PARL: variants seen among roughly 807,000 people sequenced by gnomAD.
PARL encodes presenilin-associated rhomboid-like protein, mitochondrial.
In PARL, 44 loss-of-function variants were observed where a neutral mutation model predicts 51.6. The ratio of observed to expected loss-of-function variants is 0.85; its 90% confidence interval spans 0.67 to 1.10. The LOEUF (loss-of-function observed/expected upper bound fraction) is 1.10. PARL is among the 50% of genes least tolerant of loss of function. PARL has a pLI of 0.00. For missense variants in PARL, 441 were observed against 469.5 expected (o/e 0.94, Z 0.56); for synonymous variants, 172 against 164.0 (o/e 1.05, Z -0.37).
chr3:183,826,885 A>G (rs1371455736), downstream of PARL: 2 of 597,254 alleles, frequency 3.3e-6, no homozygotes, highest in African/African-American at 4.0e-5. Context: ...TACTTCATTG[A>G]TCAAACAACA....
At chr3:183,838,170 T>G (rs1728866985) in intron 7 of PARL, among the ~76,000 whole-genome samples, 1 of 151,922 alleles carries the variant, frequency 6.6e-6, no homozygotes, top group East Asian at 1.9e-4. Context: ...GGATTACAGG[T>G]GCATGCCACC....
rs1727710042 is a variant in PARL at position 183,829,792 on chromosome 3, C to T, written c.1029-83G>A. The stretch of plus-strand genomic sequence containing the variant: ...AGCATGGTGACAGATCCCAAGTTGA[C>T]ATTTTTAAAATCGAATGCCACTCAC... On this transcript the variant is annotated intron_variant, in intron 9 of 9. Transcript: ENST00000317096. 5.2e-6 allele frequency: 6 copies of T among 1,144,644 alleles called. No homozygotes were observed. The Admixed American group carries it at 8.4e-5, about 16-fold the overall frequency. 70.9% of individuals were successfully genotyped at this position (1,144,644 alleles called of 1,614,324 possible). A position where few individuals can be genotyped will look rare whatever the true frequency, so the allele number is the denominator to read the frequency against.
At chr3:183,847,276 G>A (rs985826168) in intron 4 of PARL, among the ~76,000 whole-genome samples, 8 of 152,126 alleles carry the variant, frequency 5.3e-5, no homozygotes, top group Non-Finnish European at 7.4e-5. Context: ...AGGGTTGAAC[G>A]GGCCGGGTGT....
chr3:183,852,566 T>C (rs1180351095), intron 4 of PARL, among the ~76,000 whole-genome samples: 2 of 151,992 alleles, frequency 1.3e-5, no homozygotes, highest in African/African-American at 4.8e-5. Flanking sequence ...GTCCTGGAAA[T>C]AGATAGTAGT....
chr3:183,884,326 T>C (rs1449395496), intron 1 of PARL, among the ~76,000 whole-genome samples: 1 of 152,172 alleles, frequency 6.6e-6, no homozygotes, highest in Non-Finnish European at 1.5e-5. Context: ...AGGCGACTGG[T>C]TGTAATGGAA....
intron 6 of PARL, 40 bp downstream of exon 6, chr3:183,842,258 T>G (rs1560383613): frequency 6.3e-7 from 1 of 1,591,948 alleles, no homozygotes; most frequent in Non-Finnish European, 8.6e-7. Context: ...TAGCTTAGAG[T>G]GCTTATACTC....
Position 183,862,812 on chromosome 3 carries a change from C to A in PARL, c.463-11G>T. On this transcript the variant is annotated splice_polypyrimidine_tract_variant and intron_variant, in intron 3 of 9. Coordinates refer to ENST00000317096, the MANE Select transcript of PARL (RefSeq NM_018622.7). The stretch of plus-strand genomic sequence containing the variant: ...CCACCACTTGTTAATCTAAAACAGA[C>A]AGAAAATTGCATCACCACATGTGAG... 6.2e-7 allele frequency: 1 copy of A among 1,608,980 alleles called. No individual in the cohort carries two copies. Among genetic ancestry groups the A allele is most frequent in the Non-Finnish European group, 8.5e-7 (1 of 1,175,354 alleles).
At chr3:183,851,295 T>C (rs1003232970) in intron 4 of PARL, among the ~76,000 whole-genome samples, 2 of 151,964 alleles carry the variant, frequency 1.3e-5, no homozygotes, top group African/African-American at 2.4e-5. Flanking sequence ...AAGAAAAAAA[T>C]AGATAAAATG....
In PARL at chr3:183,829,297, AG is replaced by A. The variant is rs1307418336; in HGVS notation, c.*300del. 5.2e-6 allele frequency: 4 copies of A among 766,824 alleles called. No individual in the cohort carries two copies. In the African/African-American group the frequency reaches 5.3e-5, roughly 10 times the overall value. The allele number at this position is 766,824 out of a possible 1,614,324, so 47.5% of individuals were successfully genotyped here. On this transcript the variant is annotated 3_prime_UTR_variant, in exon 10 of 10. Coordinates refer to ENST00000317096, the MANE Select transcript of PARL (RefSeq NM_018622.7). ...CCTTCATGTTCTGATCAGGCCTTTCAGGGTGCACTCTCCCCAGGTCCTGTCA... is the reference window on the plus strand; with the variant it reads ...CCTTCATGTTCTGATCAGGCCTTTCAGGTGCACTCTCCCCAGGTCCTGTCA...
At chr3:183,828,191 T>C (rs1464308317), downstream of PARL, among the ~76,000 whole-genome samples, 1 of 152,214 alleles carries the variant, frequency 6.6e-6, no homozygotes, top group African/African-American at 2.4e-5. Flanking sequence ...CAGGGACTTC[T>C]AACTTTTTCC....
At position 183,829,604 on chromosome 3, in the gene PARL, A is replaced by T; in HGVS notation, c.1134T>A (p.Ser378=). Residue 378 remains serine (S), a synonymous_variant, in exon 10 of 10, where the codon TCT becomes TCA. Transcript: ENST00000317096. ...RTNGPKKGGG[S]K is the part of the protein sequence containing the mutation. ...CTACTGTCCAATCCCAGTTTTACTT[A>T]GAGCCACCTCCTTTTTTGGGGCCAT... is the stretch of plus-strand genomic sequence containing the variant. 1 of 1,614,194 alleles carries T rather than the reference A, an allele frequency of 6.2e-7. No homozygotes were observed. Among genetic ancestry groups the T allele is most frequent in the African/African-American group, 1.3e-5 (1 of 75,064 alleles).
At chr3:183,828,031 A>G (rs1454987234), downstream of PARL, among the ~76,000 whole-genome samples, 1 of 152,232 alleles carries the variant, frequency 6.6e-6, no homozygotes, top group African/African-American at 2.4e-5. Flanking sequence ...GTCCCCAGAG[A>G]AGCCAAGAGG....
intron 9 of PARL, among the ~76,000 whole-genome samples, chr3:183,831,319 T>C (rs1006852950): frequency 2.6e-5 from 4 of 152,218 alleles, no homozygotes; most frequent in Non-Finnish European, 4.4e-5. Context: ...AAGAGTCAAA[T>C]ACTTTAATTT....
intron 5 of PARL, chr3:183,843,423 G>A (rs770841125): frequency 3.6e-6 from 1 of 275,112 alleles, no homozygotes; most frequent in Non-Finnish European, 5.5e-6. Flanking sequence ...GCTGAGGTGG[G>A]AGGATCAGTT....
chr3:183,874,905 C>G (rs959835875), intron 1 of PARL, among the ~76,000 whole-genome samples: 1 of 152,108 alleles, frequency 6.6e-6, no homozygotes, highest in Non-Finnish European at 1.5e-5. Flanking sequence ...GATCCTGTCT[C>G]TATAAAAAAT....
At position 183,882,223 on chromosome 3, in the gene PARL, ATATATATATATATATATATATTTAT is replaced by A. The variant is rs1457400158; in HGVS notation, c.125+2474_125+2498del. 6.7e-3 allele frequency among the ~76,000 whole-genome samples: 236 copies of A among 35,378 alleles called. 22 individuals carry two copies. Among genetic ancestry groups the A allele is most frequent in the African/African-American group, 0.025 (228 of 9,134 alleles). 23.2% of individuals were successfully genotyped at this position (35,378 alleles called of 152,430 possible). A position where few individuals can be genotyped will look rare whatever the true frequency, so the allele number is the denominator to read the frequency against. On this transcript the variant is annotated intron_variant, in intron 1 of 9. Coordinates refer to ENST00000317096, the MANE Select transcript of PARL (RefSeq NM_018622.7). ...TGTCTCTAAAAAAAAAAAAAAAAAAATATATATATATATATATATATTTATATATATATATATATATATATTTATA... is the reference window on the plus strand; with the variant it reads ...TGTCTCTAAAAAAAAAAAAAAAAAAAATATATATATATATATATATTTATA...
intron 4 of PARL, among the ~76,000 whole-genome samples, chr3:183,860,596 G>A (rs994174595): frequency 6.6e-6 from 1 of 152,110 alleles, no homozygotes; most frequent in Non-Finnish European, 1.5e-5. Context: ...AAGACTAGGG[G>A]GAAAGAATTC....
intron 9 of PARL, among the ~76,000 whole-genome samples, chr3:183,831,847 T>C (rs1727976919): frequency 6.6e-6 from 1 of 152,162 alleles, no homozygotes; most frequent in Non-Finnish European, 1.5e-5. Context: ...GAAAAGGAGT[T>C]TAAATTAGAA....
At chr3:183,829,844 A>T in intron 9 of PARL, 135 bp from the exon 10 acceptor site, 3 of 767,438 alleles carry the variant, frequency 3.9e-6, no homozygotes, top group Non-Finnish European at 7.1e-6. Flanking sequence ...ACTGACTCAC[A>T]TCGAGAAATG....
Sources: gnomAD v4.1 joint callset for allele counts (sites outside exome capture counted in the v4.1 genomes callset) on GRCh38, gnomAD v4.1.1 for gene constraint, MANE v1.5 for transcripts, NCBI Gene and HGNC (gene_info 2026-07-23, HGNC 2026-07-21) for gene names.